Variants in ESPNL observed in about 807,000 individuals in gnomAD.
ESPNL encodes the protein espin like.
In ESPNL, 49 loss-of-function variants were observed where a neutral mutation model predicts 46.8. That is an observed-to-expected ratio of 1.05 (90% CI 0.83 to 1.33). The LOEUF (loss-of-function observed/expected upper bound fraction) is 1.33, where lower values mean the gene tolerates loss of function less well. ESPNL is among the 40% of genes most tolerant of loss of function. The pLI, the probability that ESPNL is intolerant of heterozygous loss-of-function variation, is 0.00. For synonymous variants in ESPNL, 664 were observed against 662.1 expected (o/e 1.00, Z -0.04); for missense variants, 1,540 against 1,436.6 (o/e 1.07, Z -1.16).
At position 238,100,446 on chromosome 2, in the gene ESPNL, C is replaced by T. The variant is rs536486662; in HGVS notation, c.27C>T (p.Ala9=). 183 of 1,603,982 alleles carry T rather than the reference C, an allele frequency of 1.1e-4. 2 individuals carry two copies. The South Asian group carries it at 1.5e-3, about 13-fold the overall frequency. ...TGGAGAAGCAGCGGGCACTCGTGGC[C>T]GCCAAGGATGGGGATGTGGCGACGT... The part of the protein sequence containing the change: MEKQRALV[A]AKDGDVATLE... Residue 9 remains alanine, a synonymous_variant, in exon 1 of 9, where the codon GCC becomes GCT. Coordinates refer to ENST00000343063, the MANE Select transcript of ESPNL (RefSeq NM_194312.4).
chr2:238,131,347 G>A lies in ESPNL; in HGVS notation c.2633G>A (p.Arg878His), dbSNP rs759499441. 2.1e-5 allele frequency: 33 copies of A among 1,595,208 alleles called. No homozygotes were observed. Among genetic ancestry groups the A allele is most frequent in the South Asian group, 1.4e-4 (12 of 88,796 alleles). ...CTGCCGGCGGAGGAGCGGAAGCTGC[G>A]CCACCTGCTGTGCTTCGAGGTCTTC... ...CDLPAEERKL[R>H]HLLCFEVFEH... The change falls in exon 9 of 9, where the codon CGC becomes CAC. Residue 878 changes from arginine to histidine, a missense_variant. By Grantham distance (29) the Arg-to-His change is conservative (BLOSUM62 0). Coordinates refer to ENST00000343063, the MANE Select transcript of ESPNL (RefSeq NM_194312.4).
intron 2 of ESPNL, among the ~76,000 whole-genome samples, chr2:238,103,447 A>G (rs1691529419): frequency 6.6e-6 from 1 of 151,412 alleles, no homozygotes; most frequent in Non-Finnish European, 1.5e-5. Flanking sequence ...GAAGAAAACC[A>G]GGAGGCTTCA....
Position 238,130,179 on chromosome 2 carries a change from C to G in ESPNL, c.1465C>G (p.Gln489Glu). The G allele has an allele frequency of 3.1e-6, 5 of 1,612,936 alleles. No individual in the cohort carries two copies. The highest frequency in any genetic ancestry group is 4.2e-6 in the Non-Finnish European group (5 of 1,179,956). ...PTEQAAWRYSQTHQAILGPFG... is the reference protein window; with the variant it reads ...PTEQAAWRYSETHQAILGPFG... ...GGAGCAGGCGGCCTGGAGGTACTCA[C>G]AGACTCATCAGGCCATCCTGGGGCC... Residue 489 changes from glutamine (Q) to glutamate (E), a missense_variant, in exon 9 of 9, where the codon CAG becomes GAG. Physicochemically the swap from Gln to Glu is conservative, Grantham distance 29. Coordinates refer to ENST00000343063, the MANE Select transcript of ESPNL (RefSeq NM_194312.4).
intron 8 of ESPNL, among the ~76,000 whole-genome samples, chr2:238,129,486 C>T (rs988287877): frequency 6.6e-6 from 1 of 152,054 alleles, no homozygotes; most frequent in Non-Finnish European, 1.5e-5. Flanking sequence ...ATGGAGTGGG[C>T]GCCTGAGGTT....
Position 238,130,391 on chromosome 2 carries a change from C to T in ESPNL, c.1677C>T (p.Pro559=), listed in dbSNP as rs759863838. 40 of 1,610,574 alleles carry T rather than the reference C, an allele frequency of 2.5e-5. No individual in the cohort carries two copies. The highest frequency in any genetic ancestry group is 5.0e-5 in the Admixed American group (3 of 59,772). The change falls in exon 9 of 9, where the codon CCC becomes CCT. Residue 559 remains proline (P), a synonymous_variant. Coordinates refer to ENST00000343063, the MANE Select transcript of ESPNL (RefSeq NM_194312.4). The part of the protein sequence containing the change: ...TVNSHFLPRA[P]GLEVEEASIP... ...ACAGCCACTTCCTGCCCCGGGCGCCCGGACTGGAGGTTGAGGAGGCCTCAA... is the reference window on the plus strand; with the variant it reads ...ACAGCCACTTCCTGCCCCGGGCGCCTGGACTGGAGGTTGAGGAGGCCTCAA...
intron 5 of ESPNL, among the ~76,000 whole-genome samples, chr2:238,121,990 A>G (rs1691996604): frequency 6.6e-6 from 1 of 152,202 alleles, no homozygotes; most frequent in African/African-American, 2.4e-5. Flanking sequence ...GGGTGGCATT[A>G]CAGGCCTGTG....
intron 2 of ESPNL, among the ~76,000 whole-genome samples, chr2:238,102,620 C>T (rs1691509783): frequency 6.6e-6 from 1 of 152,128 alleles, no homozygotes; most frequent in Admixed American, 6.5e-5. Flanking sequence ...GCGCTGGCCT[C>T]ATCGTCTCTG....
chr2:238,100,708 C>T lies in ESPNL; in HGVS notation c.289C>T (p.Leu97=), dbSNP rs938286865. The change falls in exon 1 of 9, where the codon CTG becomes TTG. Residue 97 remains leucine (L), a synonymous_variant. Transcript: ENST00000343063. The part of the protein sequence containing the change: ...CWLVREGGCG[L]QDQDASGVSP... ...GCTGGTCCGCGAGGGGGGCTGCGGT[C>T]TGCAGGTGAGCGGGGATGGGGCAGC... The T allele has an allele frequency of 7.8e-6, 11 of 1,418,504 alleles. No individual in the cohort carries two copies. The African/African-American group carries it at 1.7e-4, about 21-fold the overall frequency. The allele number at this position is 1,418,504 out of a possible 1,614,324, so 87.9% of individuals were successfully genotyped here.
chr2:238,127,493 C>A, intron 6 of ESPNL, 129 bp from the exon 7 acceptor site: 1 of 862,794 alleles, frequency 1.2e-6, no homozygotes, highest in Non-Finnish European at 1.7e-6. Flanking sequence ...GCAGGGTGGG[C>A]TGGGGTCAGC....
chr2:238,101,912 C>T (rs375416137), intron 1 of ESPNL, 29 bp from the exon 2 acceptor site: 4 of 1,568,712 alleles, frequency 2.5e-6, no homozygotes, highest in Admixed American at 1.7e-5. Context: ...GCCTACCCCC[C>T]ACTCACTGAC....
chr2:238,118,736 G>GA (rs1691891543), intron 5 of ESPNL, among the ~76,000 whole-genome samples: 1 of 123,800 alleles, frequency 8.1e-6, no homozygotes, highest in African/African-American at 3.4e-5. Flanking sequence ...GATGGAGGAG[G>GA]GTGGTTGCAG....
chr2:238,102,946 G>T (rs1242229095), intron 2 of ESPNL, among the ~76,000 whole-genome samples: 1 of 152,174 alleles, frequency 6.6e-6, no homozygotes, highest in Non-Finnish European at 1.5e-5. Context: ...GACAAGCCCC[G>T]ACAGCTTGCT....
intron 5 of ESPNL, among the ~76,000 whole-genome samples, chr2:238,119,564 A>ATGGATGGAGGAGG (rs1244677286): frequency 0.13 from 13,066 of 97,034 alleles, 1,102 homozygotes; most frequent in East Asian, 0.28. Flanking sequence ...TGAAGGAGGA[A>ATGGATGGAGGAGG]TGGATGGAGG....
At chr2:238,117,754 A>G (rs1691847804) in intron 5 of ESPNL, among the ~76,000 whole-genome samples, 2 of 152,272 alleles carry the variant, frequency 1.3e-5, no homozygotes, top group African/African-American at 4.8e-5. Context: ...TGGACAGAAA[A>G]GCAGGTGGAT....
chr2:238,119,674 C>T (rs1209935247), intron 5 of ESPNL, among the ~76,000 whole-genome samples: 1 of 152,002 alleles, frequency 6.6e-6, no homozygotes, highest in Non-Finnish European at 1.5e-5. Flanking sequence ...GTTTCTGCCA[C>T]ACCTCTTTTA....
intron 2 of ESPNL, 30 bp downstream of exon 2, chr2:238,102,161 G>A (rs371311642): frequency 1.3e-6 from 2 of 1,496,920 alleles, no homozygotes; most frequent in East Asian, 2.5e-5. Flanking sequence ...GCCTGGGGGG[G>A]CAGCCTGGGG....
chr2:238,131,626 G>T lies in ESPNL; in HGVS notation c.2912G>T (p.Arg971Leu), dbSNP rs374950311. The change falls in exon 9 of 9, where the codon CGC (arginine) becomes CTC (leucine). Residue 971 changes from arginine (R) to leucine (L), a missense_variant. Transcript: ENST00000343063. The stretch of plus-strand genomic sequence containing the variant: ...CCCACAGCACAGCGGCTGGGGTCCC[G>T]CTCCCAGCAGGGCAGCTTCAACGGT... The part of the protein sequence containing the change: ...PEPTAQRLGS[R>L]SQQGSFNGED... 5 of 1,611,222 alleles carry T rather than the reference G, an allele frequency of 3.1e-6. No individual in the cohort carries two copies. The highest frequency in any genetic ancestry group is 4.2e-6 in the Non-Finnish European group (5 of 1,178,722).
chr2:238,125,040 G>A (rs539564034), intron 5 of ESPNL, among the ~76,000 whole-genome samples: 35 of 152,256 alleles, frequency 2.3e-4, no homozygotes, highest in African/African-American at 8.2e-4. Flanking sequence ...GAAAGTGGGC[G>A]GGGAACCAAG....
rs1691770544 is a variant in ESPNL, at chr2:238,114,293, A to G, written c.856-2610A>G. ...TCTCTCCCCAGCACCATTTGGGGCC[A>G]GGTCTGACACTTGTCCCCCTTCCTC... On this transcript the variant is annotated intron_variant, in intron 4 of 8. Coordinates refer to ENST00000343063, the MANE Select transcript of ESPNL (RefSeq NM_194312.4). This position sits in a 1 kb window ranked among gnomAD's most constrained non-coding sequence, Gnocchi z 5.0. Among the ~76,000 whole-genome samples the G allele has an allele frequency of 6.6e-6, 1 of 151,922 alleles. No homozygotes were observed.
Sources: gnomAD v4.1 joint callset for allele counts (sites outside exome capture counted in the v4.1 genomes callset) on GRCh38, gnomAD v4.1.1 for gene constraint, Gnocchi (gnomAD v3.1) non-coding constraint, MANE v1.5 for transcripts, NCBI Gene and HGNC (gene_info 2026-07-23, HGNC 2026-07-21) for gene names.